Variants in CYFIP1 observed in about 807,000 individuals in gnomAD.
The protein encoded by CYFIP1 is cytoplasmic FMR1-interacting protein 1.
In CYFIP1, 58 loss-of-function variants were observed where a neutral mutation model predicts 163.5. That is an observed-to-expected ratio of 0.35 (90% CI 0.29 to 0.44). CYFIP1 has a LOEUF of 0.44. Among genes scored for constraint, CYFIP1 ranks in the 20% least tolerant of loss-of-function variants. CYFIP1 has a pLI of 1.00. For missense variants in CYFIP1, 1,338 were observed against 1,653.8 expected, an observed-to-expected ratio of 0.81 and a Z score of 3.31; for synonymous variants, 663 against 660.7, an observed-to-expected ratio of 1.00 and a Z score of -0.05.
At chr15:22,930,857 C>T (rs968509370) in intron 11 of CYFIP1, among the ~76,000 whole-genome samples, 1 of 152,096 alleles carries the variant, frequency 6.6e-6, no homozygotes, top group Non-Finnish European at 1.5e-5. Flanking sequence ...AAAGAAAAAG[C>T]CTTTTAAAAA....
At chr15:22,894,772 A>G (rs1396559005) in intron 22 of CYFIP1, among the ~76,000 whole-genome samples, 2 of 148,746 alleles carry the variant, frequency 1.3e-5, no homozygotes, top group African/African-American at 4.9e-5. Flanking sequence ...TTTAATCAAA[A>G]TACATATATA....
At chr15:22,957,858 G>A (rs2062531952) in intron 1 of CYFIP1, among the ~76,000 whole-genome samples, 1 of 152,158 alleles carries the variant, frequency 6.6e-6, no homozygotes, top group African/African-American at 2.4e-5. Flanking sequence ...TAAATCATCT[G>A]AAGAAGAAAA....
intron 13 of CYFIP1, among the ~76,000 whole-genome samples, chr15:22,921,868 GT>G (rs1310496726): frequency 2.6e-5 from 4 of 151,712 alleles, no homozygotes; most frequent in African/African-American, 9.7e-5. Context: ...AAAAAATACT[GT>G]CATAGGATAG....
chr15:22,878,146 C>T (rs981170556), intron 26 of CYFIP1, among the ~76,000 whole-genome samples: 1 of 152,170 alleles, frequency 6.6e-6, no homozygotes, highest in East Asian at 1.9e-4. Flanking sequence ...GACGAAGTGC[C>T]ATTCCCATGC....
chr15:22,939,184 AC>A lies in CYFIP1; in HGVS notation c.795+7del. Reference sequence around the variant, plus strand: ...CAGTGCCACGGGCTAGCGTCCCCACACACGTACTTTGAGAAGCATGTGTTTC... The same window carrying A: ...CAGTGCCACGGGCTAGCGTCCCCACAACGTACTTTGAGAAGCATGTGTTTC... On this transcript the variant is annotated splice_region_variant and intron_variant, in intron 8 of 30. Transcript: ENST00000617928. 1 of 1,614,126 alleles carries A rather than the reference AC, an allele frequency of 6.2e-7. No individual in the cohort carries two copies. The highest frequency in any genetic ancestry group is 1.1e-5 in the South Asian group (1 of 91,078).
chr15:22,976,089 T>C (rs981673544), intron 1 of CYFIP1, among the ~76,000 whole-genome samples: 1 of 152,198 alleles, frequency 6.6e-6, no homozygotes, highest in African/African-American at 2.4e-5. Flanking sequence ...ATCCTGTAAG[T>C]CTTATTCAAT....
intron 30 of CYFIP1, among the ~76,000 whole-genome samples, chr15:22,870,967 T>TG (rs1388302935): frequency 2.0e-5 from 3 of 151,658 alleles, no homozygotes; most frequent in African/African-American, 7.3e-5. Flanking sequence ...CCTATGCAGG[T>TG]GGTAAGGGGG....
intron 1 of CYFIP1, among the ~76,000 whole-genome samples, chr15:22,954,787 G>T (rs11632784): frequency 6.6e-6 from 1 of 152,068 alleles, no homozygotes; most frequent in Non-Finnish European, 1.5e-5. Context: ...CCATCAGTTC[G>T]TTTATTTTGT....
At chr15:22,930,751 A>ATC (rs1491470927) in intron 11 of CYFIP1, among the ~76,000 whole-genome samples, 1 of 152,244 alleles carries the variant, frequency 6.6e-6, no homozygotes, top group Non-Finnish European at 1.5e-5. Flanking sequence ...TGTTTTAAGC[A>ATC]AAGTGTTGTT....
At chr15:22,918,197 G>C (rs1197166898) in intron 14 of CYFIP1, among the ~76,000 whole-genome samples, 8 of 152,210 alleles carry the variant, frequency 5.3e-5, no homozygotes, top group Non-Finnish European at 1.2e-4. Flanking sequence ...GCAGCAGTGA[G>C]GTGGCTCTGA....
At chr15:22,915,795 G>A (rs1018296433) in intron 16 of CYFIP1, among the ~76,000 whole-genome samples, 2 of 151,992 alleles carry the variant, frequency 1.3e-5, no homozygotes, top group African/African-American at 4.8e-5. Context: ...TTTCACTTAG[G>A]ATAAAAACCA....
intron 1 of CYFIP1, among the ~76,000 whole-genome samples, chr15:22,960,772 G>A (rs555470203): frequency 3.2e-4 from 49 of 152,280 alleles, no homozygotes; most frequent in Admixed American, 1.2e-3. Flanking sequence ...ACATCTGGGC[G>A]GAAAAGCCTG....
intron 1 of CYFIP1, among the ~76,000 whole-genome samples, chr15:22,967,750 T>G (rs895760903): frequency 6.6e-6 from 1 of 152,048 alleles, no homozygotes; most frequent in Admixed American, 6.6e-5. Context: ...GTGACTGAAA[T>G]ACAAGAAGGC....
intron 6 of CYFIP1, 47 bp downstream of exon 6, chr15:22,943,126 G>A (rs1423365013): frequency 1.9e-6 from 3 of 1,584,756 alleles, no homozygotes; most frequent in African/African-American, 2.7e-5. Context: ...AGGCCACTGA[G>A]CTGGGTGCTC....
chr15:22,874,474 T>G, intron 28 of CYFIP1, 76 bp downstream of exon 28: 1 of 1,149,082 alleles, frequency 8.7e-7, no homozygotes, highest in Non-Finnish European at 1.2e-6. Context: ...CCTTCCAGTC[T>G]GGCTCCCAAC....
chr15:22,978,785 T>C (rs1031780142), intron 1 of CYFIP1, among the ~76,000 whole-genome samples: 3 of 152,102 alleles, frequency 2.0e-5, no homozygotes, highest in African/African-American at 4.8e-5. Context: ...CAACGCCTTA[T>C]GCTAAGCGAA....
chr15:22,905,297 T>A, intron 21 of CYFIP1: 1 of 152,302 alleles, frequency 6.6e-6, no homozygotes, highest in East Asian at 1.9e-4. Context: ...TGTCTTCTAT[T>A]TTATCAATAT....
chr15:22,930,731 A>G (rs1184476603), intron 11 of CYFIP1, among the ~76,000 whole-genome samples: 2 of 152,208 alleles, frequency 1.3e-5, no homozygotes, highest in African/African-American at 4.8e-5. Context: ...ACAGGTATAG[A>G]GTGTGTTTGT....
chr15:22,894,278 CTTTTTTTTTTTT>C (rs57603773), intron 22 of CYFIP1, among the ~76,000 whole-genome samples: 76 of 65,474 alleles, frequency 1.2e-3, no homozygotes, highest in Admixed American at 1.2e-3. Context: ...GCAGACTTTT[CTTTTTTTTTTTT>C]TTTTTTTTTT....
Sources: allele counts gnomAD v4.1 joint callset (sites outside exome capture counted in the v4.1 genomes callset), GRCh38; gene constraint gnomAD v4.1.1; transcripts MANE v1.5; gene names NCBI Gene and HGNC (gene_info 2026-07-23, HGNC 2026-07-21).